CTRB1: variants seen among roughly 807,000 people sequenced by gnomAD.
CTRB1 encodes the protein chymotrypsinogen B.
CTRB1 carries 15 observed loss-of-function variants against 20.4 expected under a neutral mutation model. The ratio of observed to expected loss-of-function variants is 0.74; its 90% confidence interval spans 0.49 to 1.13. The LOEUF (loss-of-function observed/expected upper bound fraction) is 1.13. Among genes scored for constraint, CTRB1 ranks in the 50% most tolerant of loss-of-function variants. The probability of loss-of-function intolerance (pLI) is 0.00; values close to 1 mark genes in which losing one functional copy is unlikely to be tolerated. For missense variants in CTRB1, 227 were observed against 290.1 expected (o/e 0.78, Z 1.58); for synonymous variants, 92 against 128.4 (o/e 0.72, Z 1.92).
At chr16:75,222,064 G>GAAAAAAAAAAAAAA (rs71158588) in intron 1 of CTRB1, among the ~76,000 whole-genome samples, 2 of 108,606 alleles carry the variant, frequency 1.8e-5, no homozygotes, top group Non-Finnish European at 3.7e-5. Context: ...GTCTCAAAAA[G>GAAAAAAAAAAAAAA]AAAAAAAAAA....
intron 1 of CTRB1, chr16:75,222,513 T>C: frequency 1.8e-6 from 1 of 550,522 alleles, no homozygotes; most frequent in Non-Finnish European, 3.2e-6. Flanking sequence ...TTTCTGCTTC[T>C]TCAGGCTGGA....
chr16:75,224,520 C>T (rs2076718681), intron 6 of CTRB1, among the ~76,000 whole-genome samples, 185 bp from the exon 7 acceptor site: 1 of 152,214 alleles, frequency 6.6e-6, no homozygotes, highest in South Asian at 2.1e-4. Flanking sequence ...AGGGCTGGCT[C>T]AGGCTTCCAG....
At chr16:75,221,064 C>T (rs1352337652) in intron 1 of CTRB1, among the ~76,000 whole-genome samples, 2 of 152,160 alleles carry the variant, frequency 1.3e-5, no homozygotes, top group South Asian at 2.1e-4. Context: ...GTTTTTGATG[C>T]TCTGAAACGT....
At chr16:75,222,596 G>T in intron 1 of CTRB1, 172 bp from the exon 2 acceptor site, 1 of 672,674 alleles carries the variant, frequency 1.5e-6, no homozygotes, top group Non-Finnish European at 2.5e-6. Flanking sequence ...GCCGAGAGTT[G>T]GGAACGTTTG....
intron 1 of CTRB1, among the ~76,000 whole-genome samples, chr16:75,221,065 T>C (rs910789256): frequency 2.0e-5 from 3 of 152,166 alleles, no homozygotes; most frequent in Non-Finnish European, 2.9e-5. Flanking sequence ...TTTTTGATGC[T>C]CTGAAACGTC....
intron 1 of CTRB1, 108 bp from the exon 2 acceptor site, chr16:75,222,660 C>A: frequency 1.6e-6 from 2 of 1,274,270 alleles, no homozygotes; most frequent in East Asian, 5.1e-5. Flanking sequence ...CAGGGAGGTC[C>A]TGAGCTGGCT....
Position 75,219,045 on chromosome 16 carries a change from T to TG in CTRB1, c.43dup (p.Ala15GlyfsTer76). The TG allele has an allele frequency of 6.3e-7, 1 of 1,592,832 alleles. No homozygotes were observed. Reference sequence around the variant, plus strand: ...TGGCTCCTCTCCTGCTTCTCCCTTGTGGGGGCCGCCTTTGGTGAGTGCTGG... The same window carrying TG: ...TGGCTCCTCTCCTGCTTCTCCCTTGTGGGGGGCCGCCTTTGGTGAGTGCTGG... On this transcript the variant is annotated frameshift_variant, in exon 1 of 7. Transcript: ENST00000361017. LOFTEE classifies it high-confidence loss of function.
At position 75,224,845 on chromosome 16, in the gene CTRB1, G is replaced by C. The variant is rs1200393893; in HGVS notation, c.771G>C (p.Gln257His). 3 of 1,613,952 alleles carry C rather than the reference G, an allele frequency of 1.9e-6. 1 individual carries two copies. The South Asian group carries it at 3.3e-5, about 18-fold the overall frequency. The change falls in exon 7 of 7, where the codon CAG (glutamine) becomes CAC (histidine). Residue 257 changes from glutamine (Q) to histidine (H), a missense_variant. By Grantham distance (24) the Gln-to-His change is conservative. This residue lies in a region of CTRB1 where 108 missense variants were observed against 76.9 expected (regional missense o/e 1.41). Coordinates refer to ENST00000361017, the MANE Select transcript of CTRB1 (RefSeq NM_001906.6). ...TCACCAAGCTCATACCTTGGGTGCA[G>C]AAGATCCTGGCTGCCAACTGAGCCC... ...ARVTKLIPWV[Q>H]KILAAN is the part of the protein sequence containing the mutation.
rs1409849141 is a variant in CTRB1, at chr16:75,222,866, C to T, written c.151C>T (p.Leu51=). The T allele has an allele frequency of 6.6e-7, 1 of 1,515,620 alleles. No homozygotes were observed. The highest frequency in any genetic ancestry group is 8.9e-7 in the Non-Finnish European group (1 of 1,123,030). The allele number at this position is 1,515,620 out of a possible 1,614,324, so 93.9% of individuals were successfully genotyped here. The part of the protein sequence containing the change: ...VPGSWPWQVS[L]QDKTGFHFCG... ...CGGCTCCTGGCCCTGGCAGGTGTCC[C>T]TGCAGGTGAGGGGGTTCTGCAAGGT... Residue 51 remains leucine, a synonymous_variant, in exon 2 of 7, where the codon CTG becomes TTG. Coordinates refer to ENST00000361017, the MANE Select transcript of CTRB1 (RefSeq NM_001906.6).
chr16:75,224,013 C>A (rs1289665453), intron 5 of CTRB1, 42 bp from the exon 6 acceptor site: 7 of 711,744 alleles, frequency 9.8e-6, no homozygotes, highest in Non-Finnish European at 1.5e-5. Flanking sequence ...CCACTCTTGG[C>A]TGAGTGAGCC....
In CTRB1 at chr16:75,221,616, T is replaced by C. The variant is rs552538661; in HGVS notation, c.53-1152T>C. Among the ~76,000 whole-genome samples the C allele has an allele frequency of 1.3e-4, 20 of 152,008 alleles. 1 individual carries two copies. The highest frequency in any genetic ancestry group is 2.4e-4 in the Non-Finnish European group (16 of 67,962). On this transcript the variant is annotated intron_variant, in intron 1 of 6. Transcript: ENST00000361017. ...CTCAGGTGATCCACCCCGCTTGGCC[T>C]CTCAAAGTGTTAGGATTACAGGCGT... is the stretch of plus-strand genomic sequence containing the variant.
At position 75,224,870 on chromosome 16, in the gene CTRB1, C is replaced by G; in HGVS notation, c.*4C>G. The stretch of plus-strand genomic sequence containing the variant: ...GAAGATCCTGGCTGCCAACTGAGCC[C>G]GCGGCTCCCTCCGACCCTGCTCCCC... On this transcript the variant is annotated 3_prime_UTR_variant, in exon 7 of 7. Coordinates refer to ENST00000361017, the MANE Select transcript of CTRB1 (RefSeq NM_001906.6). The G allele has an allele frequency of 6.2e-7, 1 of 1,613,530 alleles. No homozygotes were observed. Among genetic ancestry groups the G allele is most frequent in the Non-Finnish European group, 8.5e-7 (1 of 1,180,008 alleles).
chr16:75,224,742 G>A lies in CTRB1; in HGVS notation c.668G>A (p.Gly223Glu), dbSNP rs775023404. Residue 223 changes from glycine to glutamate, a missense_variant, in exon 7 of 7, where the codon GGA becomes GAA. Around this residue, in one of 4 missense-constraint regions of CTRB1, gnomAD observed 108 missense variants for 76.9 expected, o/e 1.41. Transcript: ENST00000361017. ...GGCCCCCTGGTCTGCCAAAAGGATG[G>A]AGCCTGGACCCTGGTGGGCATTGTG... ...SGGPLVCQKD[G>E]AWTLVGIVSW... 3 of 1,613,356 alleles carry A rather than the reference G, an allele frequency of 1.9e-6. No homozygotes were observed. Among genetic ancestry groups the A allele is most frequent in the Non-Finnish European group, 2.5e-6 (3 of 1,179,912 alleles).
intron 1 of CTRB1, 159 bp from the exon 2 acceptor site, chr16:75,222,609 C>A: frequency 1.4e-6 from 1 of 740,428 alleles, no homozygotes; most frequent in Non-Finnish European, 2.2e-6. Flanking sequence ...AACGTTTGAG[C>A]CTAGAGACTT....
chr16:75,224,229 G>C, intron 6 of CTRB1, 41 bp downstream of exon 6: 1 of 1,465,704 alleles, frequency 6.8e-7, no homozygotes, highest in Non-Finnish European at 9.2e-7. Context: ...GGCGAGCGGG[G>C]TGCAGGGGAG....
In CTRB1 at chr16:75,223,048, G is replaced by GGT; in HGVS notation, c.236+2_236+3dup. On this transcript the variant is annotated frameshift_variant and splice_region_variant. Coordinates refer to ENST00000361017, the MANE Select transcript of CTRB1 (RefSeq NM_001906.6). LOFTEE classifies it high-confidence loss of function. ...GTCACCGCTGCCCACTGCGGGGTCAGGTGAGGACCGGGCAGCCTTGGGCTC... is the reference window on the plus strand; with the variant it reads ...GTCACCGCTGCCCACTGCGGGGTCAGGTGTGAGGACCGGGCAGCCTTGGGCTC... 1.2e-6 allele frequency: 1 copy of GGT among 865,704 alleles called. No homozygotes were observed. Among genetic ancestry groups the GGT allele is most frequent in the East Asian group, 2.7e-5 (1 of 37,012 alleles). The allele number at this position is 865,704 out of a possible 1,614,324, so 53.6% of individuals were successfully genotyped here.
chr16:75,221,332 A>G (rs1435831930), intron 1 of CTRB1, among the ~76,000 whole-genome samples: 1 of 152,004 alleles, frequency 6.6e-6, no homozygotes, highest in African/African-American at 2.4e-5. Context: ...GTGCCATTTT[A>G]TGGTGTGGAA....
rs376104998 is a variant in CTRB1 at position 75,224,877 on chromosome 16, C to G, written c.*11C>G. The G allele has an allele frequency of 4.3e-6, 7 of 1,613,004 alleles. No homozygotes were observed. Among genetic ancestry groups the G allele is most frequent in the Non-Finnish European group, 5.9e-6 (7 of 1,179,966 alleles). On this transcript the variant is annotated 3_prime_UTR_variant, in exon 7 of 7. Transcript: ENST00000361017. The stretch of plus-strand genomic sequence containing the variant: ...CTGGCTGCCAACTGAGCCCGCGGCT[C>G]CCTCCGACCCTGCTCCCCACAGAGC...
intron 1 of CTRB1, among the ~76,000 whole-genome samples, chr16:75,221,236 G>A (rs980693384): frequency 6.6e-6 from 1 of 152,212 alleles, no homozygotes; most frequent in Non-Finnish European, 1.5e-5. Context: ...CACAGGAGTC[G>A]AGAATCTGGT....
Sources: gnomAD v4.1 joint callset for allele counts (sites outside exome capture counted in the v4.1 genomes callset) on GRCh38, gnomAD v4.1.1 for gene constraint, gnomAD v4.1.1 regional missense constraint, MANE v1.5 for transcripts, NCBI Gene and HGNC (gene_info 2026-07-23, HGNC 2026-07-21) for gene names.